Variants in PRDM7 observed in about 807,000 individuals in gnomAD.
PRDM7 encodes the protein PR/SET domain 7, also known as histone-lysine N-methyltransferase PRDM7.
A neutral mutation model predicts 64.3 loss-of-function variants in PRDM7; 52 were observed. The ratio of observed to expected loss-of-function variants is 0.81; its 90% CI spans 0.65 to 1.02. The LOEUF is 1.02. PRDM7 is among the 50% of genes least tolerant of loss of function. The pLI, the probability that PRDM7 is intolerant of heterozygous loss-of-function variation, is 0.00. For missense variants in PRDM7, 574 were observed against 597.1 expected (o/e 0.96, Z 0.40); for synonymous variants, 192 against 210.1 (o/e 0.91, Z 0.74).
chr16:90,070,623 G>A (rs1238261296), intron 4 of PRDM7, among the ~76,000 whole-genome samples: 2 of 150,386 alleles, frequency 1.3e-5, no homozygotes, highest in African/African-American at 5.0e-5. Context: ...TTTATAAGAG[G>A]AAGAGAGAAA....
chr16:90,062,715 T>C (rs1252713859), intron 6 of PRDM7, among the ~76,000 whole-genome samples: 1 of 152,230 alleles, frequency 6.6e-6, no homozygotes, highest in Non-Finnish European at 1.5e-5. Flanking sequence ...GTTCTCATTA[T>C]CCCATTAACC....
intron 4 of PRDM7, among the ~76,000 whole-genome samples, chr16:90,070,716 G>C (rs1256317757): frequency 7.0e-6 from 1 of 143,798 alleles, no homozygotes; most frequent in Non-Finnish European, 1.5e-5. Context: ...GTCAGGAAGA[G>C]AGCCCTCACT....
At chr16:90,072,355 T>C (rs1285404197) in intron 4 of PRDM7, among the ~76,000 whole-genome samples, 2 of 152,182 alleles carry the variant, frequency 1.3e-5, no homozygotes, top group African/African-American at 2.4e-5. Flanking sequence ...ATGAATGGAT[T>C]TTCAAAATGT....
intron 5 of PRDM7, among the ~76,000 whole-genome samples, chr16:90,064,371 T>C (rs1240467222): frequency 6.6e-6 from 1 of 152,182 alleles, no homozygotes; most frequent in East Asian, 1.9e-4. Context: ...AATTTCTCTT[T>C]AGTTTCCCGA....
intron 4 of PRDM7, among the ~76,000 whole-genome samples, chr16:90,074,581 A>C (rs1312564321): frequency 6.6e-6 from 1 of 151,728 alleles, no homozygotes; most frequent in Non-Finnish European, 1.5e-5. Context: ...GTCTTAAAAA[A>C]AATAAAAATA....
intron 4 of PRDM7, among the ~76,000 whole-genome samples, chr16:90,073,691 G>T (rs1052442962): frequency 2.0e-5 from 3 of 151,912 alleles, no homozygotes; most frequent in African/African-American, 7.3e-5. Context: ...CTTGTTTGTT[G>T]AACATTTATG....
intron 4 of PRDM7, among the ~76,000 whole-genome samples, chr16:90,072,152 A>G (rs2037967922): frequency 1.3e-5 from 2 of 151,006 alleles, no homozygotes; most frequent in Admixed American, 6.6e-5. Flanking sequence ...AATGGCGTGA[A>G]CCCGGGAGTC....
At chr16:90,058,798 A>G (rs2037721644) in intron 10 of PRDM7, among the ~76,000 whole-genome samples, 1 of 152,186 alleles carries the variant, frequency 6.6e-6, no homozygotes, top group Non-Finnish European at 1.5e-5. Flanking sequence ...CATCAGGGGC[A>G]GCATCATTCC....
rs1481113426 is a variant in PRDM7 at position 90,057,602 on chromosome 16, C to T, written c.*687G>A. ...TGGAGGGGATCAGTGCGGGAAACAACCACACATGTTGACGTCCCCCGAACA... is the reference window on the plus strand; with the variant it reads ...TGGAGGGGATCAGTGCGGGAAACAATCACACATGTTGACGTCCCCCGAACA... On this transcript the variant is annotated 3_prime_UTR_variant, in exon 11 of 11. Transcript: ENST00000449207. 1 of 775,430 alleles carries T rather than the reference C, an allele frequency of 1.3e-6. No homozygotes were observed. Among genetic ancestry groups the T allele is most frequent in the Non-Finnish European group, 1.7e-6 (1 of 580,380 alleles). The allele number at this position is 775,430 out of a possible 1,614,324, so 48.0% of individuals were successfully genotyped here. A position where few individuals can be genotyped will look rare whatever the true frequency, so the allele number is the denominator to read the frequency against.
At chr16:90,063,466 A>G in intron 6 of PRDM7, 146 bp downstream of exon 6, 4 of 823,498 alleles carry the variant, frequency 4.9e-6, no homozygotes, top group Middle Eastern at 7.4e-4. Context: ...TAATTTTAAC[A>G]AAATACTGCA....
chr16:90,076,935 G>T (rs1215660631), intron 1 of PRDM7, among the ~76,000 whole-genome samples: 1 of 152,030 alleles, frequency 6.6e-6, no homozygotes, highest in East Asian at 1.9e-4. Flanking sequence ...GATATTTAGG[G>T]TTCCTCAGGC....
At chr16:90,061,331 T>G in intron 9 of PRDM7, 121 bp downstream of exon 9, 1 of 987,376 alleles carries the variant, frequency 1.0e-6, no homozygotes. Context: ...CAGCATTGTA[T>G]GGAGAAAAAT....
At chr16:90,071,417 C>T (rs2037953872) in intron 4 of PRDM7, among the ~76,000 whole-genome samples, 1 of 152,234 alleles carries the variant, frequency 6.6e-6, no homozygotes, top group African/African-American at 2.4e-5. Flanking sequence ...GCGTGAGCCA[C>T]TGTGCCTGGC....
At position 90,072,532 on chromosome 16, in the gene PRDM7, G is replaced by C. The variant is rs539858648; in HGVS notation, c.301+2384C>G. Among the ~76,000 whole-genome samples, 215 of 152,280 alleles carry C rather than the reference G, an allele frequency of 1.4e-3. 1 individual carries two copies. The highest frequency in any genetic ancestry group is 1.9e-3 in the East Asian group (10 of 5,180). On this transcript the variant is annotated intron_variant, in intron 4 of 10. Coordinates refer to ENST00000449207, the MANE Select transcript of PRDM7 (RefSeq NM_001098173.2). ...ATTCCACGTATATGAGGTATCTAAA[G>C]TAACCAAATTCATAGAAACAGAATT...
Position 90,076,388 on chromosome 16 carries a change from C to T in PRDM7, c.-85-393G>A, listed in dbSNP as rs541467362. Among the ~76,000 whole-genome samples the T allele has an allele frequency of 4.6e-5, 7 of 152,152 alleles. No individual in the cohort carries two copies. In the South Asian group the frequency reaches 1.0e-3, roughly 23 times the overall value. ...ACTGAGGAGCAGGGTTCTGTTTTAG[C>T]GAGGCAAAATGAACATTTTGCATAG... On this transcript the variant is annotated intron_variant, in intron 1 of 10. Coordinates refer to ENST00000449207, the MANE Select transcript of PRDM7 (RefSeq NM_001098173.2).
chr16:90,069,748 A>G (rs1310702852), intron 4 of PRDM7, among the ~76,000 whole-genome samples: 1 of 151,196 alleles, frequency 6.6e-6, no homozygotes. Flanking sequence ...TCTCAAAAAA[A>G]AGAAGATAAA....
At chr16:90,060,268 A>G (rs2037749159) in intron 10 of PRDM7, 73 bp downstream of exon 10, 1 of 1,610,538 alleles carries the variant, frequency 6.2e-7, no homozygotes, top group Non-Finnish European at 8.5e-7. Context: ...TCTACTTAAG[A>G]GTTCAATCAT....
chr16:90,060,945 A>C (rs1242060801), intron 9 of PRDM7, among the ~76,000 whole-genome samples: 1 of 152,218 alleles, frequency 6.6e-6, no homozygotes, highest in Non-Finnish European at 1.5e-5. Context: ...ATCACCCTAC[A>C]GTTCACTCAG....
At chr16:90,074,079 C>T in intron 4 of PRDM7, among the ~76,000 whole-genome samples, 1 of 152,002 alleles carries the variant, frequency 6.6e-6, no homozygotes, top group Non-Finnish European at 1.5e-5. Context: ...AGCCACCATG[C>T]CTGGCCAGGA....
Sources: gnomAD v4.1 joint callset for allele counts (sites outside exome capture counted in the v4.1 genomes callset) on GRCh38, gnomAD v4.1.1 for gene constraint, MANE v1.5 for transcripts, NCBI Gene and HGNC (gene_info 2026-07-23, HGNC 2026-07-21) for gene names.